The following CDON variants were observed in gnomAD, a reference collection of about 807,000 sequenced individuals.
The protein encoded by CDON is cell adhesion molecule-related/down-regulated by oncogenes.
Under a neutral mutation model 120.9 loss-of-function variants are expected in CDON, and 73 were observed. That is an observed-to-expected ratio of 0.60 (90% CI 0.50 to 0.73). The LOEUF (loss-of-function observed/expected upper bound fraction) is 0.73, where lower values mean the gene tolerates loss of function less well. Among genes scored for constraint, CDON ranks in the 30% least tolerant of loss-of-function variants. CDON has a pLI of 0.00. For synonymous variants in CDON, 566 were observed against 573.5 expected (o/e 0.99, Z 0.19); for missense variants, 1,470 against 1,587.3 (o/e 0.93, Z 1.26).
chr11:126,016,498 T>C (rs1053294491), intron 6 of CDON, among the ~76,000 whole-genome samples: 2 of 152,142 alleles, frequency 1.3e-5, no homozygotes, highest in African/African-American at 2.4e-5. Flanking sequence ...GGTGGCGTGA[T>C]CTCAGCTCAC....
intron 18 of CDON, among the ~76,000 whole-genome samples, chr11:125,970,238 G>T (rs571752292): frequency 2.7e-5 from 4 of 146,544 alleles, no homozygotes; most frequent in Non-Finnish European, 5.9e-5. Flanking sequence ...GCAGTGGCGC[G>T]ATCTCGACTC....
rs575679772 is a variant in CDON at position 125,980,848 on chromosome 11, A to T, written c.3276+201T>A. Among the ~76,000 whole-genome samples the T allele has an allele frequency of 1.4e-3, 209 of 152,344 alleles. 1 individual carries two copies. The highest frequency in any genetic ancestry group is 1.6e-4 in the Non-Finnish European group (11 of 68,038). On this transcript the variant is annotated intron_variant, in intron 17 of 19. Coordinates refer to ENST00000531738, the MANE Select transcript of CDON (RefSeq NM_001378964.1). ...ATAATTTTAAAATGAAACTAAACTGATGAACATAACTATTACCTGGCAATA... is the reference window on the plus strand; with the variant it reads ...ATAATTTTAAAATGAAACTAAACTGTTGAACATAACTATTACCTGGCAATA...
chr11:125,975,217 T>G (rs1355950811), intron 18 of CDON, among the ~76,000 whole-genome samples: 2 of 152,254 alleles, frequency 1.3e-5, no homozygotes, highest in Admixed American at 1.3e-4. Flanking sequence ...CATAGAGATT[T>G]TTTTCTATTC....
At chr11:126,022,351 A>C (rs1218262633) in intron 2 of CDON, among the ~76,000 whole-genome samples, 1 of 152,214 alleles carries the variant, frequency 6.6e-6, no homozygotes, top group East Asian at 1.9e-4. Flanking sequence ...GAAAACAGAA[A>C]TAGAAAGCTA....
rs939480171 is a variant in CDON, at chr11:126,003,891, C to T, written c.2026+11G>A. The T allele has an allele frequency of 6.2e-7, 1 of 1,612,506 alleles. No individual in the cohort carries two copies. The highest frequency in any genetic ancestry group is 1.3e-5 in the African/African-American group (1 of 74,994). On this transcript the variant is annotated intron_variant, in intron 10 of 19. Transcript: ENST00000531738. ...AGCCAGCTCATTCCTCCAAAGGAAG[C>T]CCTCACTCACCTTTGCTGGTTCGGA...
At chr11:126,055,613 T>C (rs1948662663) in intron 1 of CDON, among the ~76,000 whole-genome samples, 1 of 152,308 alleles carries the variant, frequency 6.6e-6, no homozygotes, top group Non-Finnish European at 1.5e-5. Flanking sequence ...GAGTTATTTA[T>C]CTCTCTTGTA....
intron 1 of CDON, among the ~76,000 whole-genome samples, chr11:126,058,349 G>T (rs528471239): frequency 6.6e-6 from 1 of 152,122 alleles, no homozygotes; most frequent in Non-Finnish European, 1.5e-5. Flanking sequence ...ACAGCAAAGC[G>T]ACTAAACAGC....
chr11:126,061,329 C>T (rs1024879720), intron 1 of CDON, among the ~76,000 whole-genome samples: 5 of 152,140 alleles, frequency 3.3e-5, no homozygotes, highest in Non-Finnish European at 7.3e-5. Flanking sequence ...TCTCGGGTTC[C>T]AAAGAATGCT....
At chr11:126,010,228 GA>G in intron 8 of CDON, 112 bp downstream of exon 8, 1 of 796,280 alleles carries the variant, frequency 1.3e-6, no homozygotes, top group South Asian at 1.6e-5. Flanking sequence ...CTGTCATCAG[GA>G]AAAAATATAG....
At chr11:126,056,723 C>G (rs976820947) in intron 1 of CDON, among the ~76,000 whole-genome samples, 1 of 152,162 alleles carries the variant, frequency 6.6e-6, no homozygotes, top group African/African-American at 2.4e-5. Flanking sequence ...CAAACAAATT[C>G]TGAATGTATA....
rs181535672 is a variant in CDON at position 125,974,154 on chromosome 11, C to T, written c.3356+4150G>A. 3.5e-3 allele frequency among the ~76,000 whole-genome samples: 528 copies of T among 152,144 alleles called. 6 individuals carry two copies. Among genetic ancestry groups the T allele is most frequent in the African/African-American group, 0.012 (503 of 41,486 alleles). On this transcript the variant is annotated intron_variant, in intron 18 of 19. Transcript: ENST00000531738. ...CAGGTGATCCGCCCGCCATAGCCTC[C>T]CAAAGTGCTGGGATTACAGGCGTGA...
intron 8 of CDON, among the ~76,000 whole-genome samples, chr11:126,009,748 C>A (rs867493265): frequency 6.6e-6 from 1 of 152,104 alleles, no homozygotes; most frequent in African/African-American, 2.4e-5. Flanking sequence ...GATGGAAGGT[C>A]TGAATTTGAA....
chr11:126,025,057 T>C (rs1489220169), intron 1 of CDON, among the ~76,000 whole-genome samples: 3 of 151,896 alleles, frequency 2.0e-5, no homozygotes, highest in Admixed American at 1.3e-4. Flanking sequence ...TTACAAAAAT[T>C]AGCCGAGCCT....
chr11:125,994,346 T>G lies in CDON; in HGVS notation c.2588A>C (p.Tyr863Ser). The G allele has an allele frequency of 1.9e-6, 3 of 1,601,588 alleles. No homozygotes were observed. The highest frequency in any genetic ancestry group is 2.6e-6 in the Non-Finnish European group (3 of 1,168,652). The change falls in exon 14 of 20, where the codon TAT becomes TCT. Residue 863 changes from tyrosine (Y) to serine (S), a missense_variant. Transcript: ENST00000531738. ...SNNNTPIQGF[Y>S]IYYRPTDSDN... Reference sequence around the variant, plus strand: ...ACTATCTGTTGGTCGGTAATAGATATAAAATCCTTGAATGGGAGTGTTATT... The same window carrying G: ...ACTATCTGTTGGTCGGTAATAGATAGAAAATCCTTGAATGGGAGTGTTATT...
At chr11:125,985,069 G>A (rs1946425109) in intron 15 of CDON, among the ~76,000 whole-genome samples, 1 of 152,186 alleles carries the variant, frequency 6.6e-6, no homozygotes, top group African/African-American at 2.4e-5. Flanking sequence ...AAAAGCAGTA[G>A]AGCAAAGTGG....
chr11:125,978,482 G>T, intron 17 of CDON, 99 bp from the exon 18 acceptor site: 2 of 776,560 alleles, frequency 2.6e-6, no homozygotes, highest in Non-Finnish European at 2.2e-6. Context: ...CATGAGCCAT[G>T]TCAACCATAA....
chr11:126,011,149 G>GA lies in CDON; in HGVS notation c.1199-456dup, dbSNP rs1206368717. ...GAATCTGATTATAAAAAGCGTGGGAGAAAAAAACCTGTTCTCAATAAAAGC... is the reference window on the plus strand; with the variant it reads ...GAATCTGATTATAAAAAGCGTGGGAGAAAAAAAACCTGTTCTCAATAAAAGC... On this transcript the variant is annotated intron_variant, in intron 7 of 19. Transcript: ENST00000531738. Among the ~76,000 whole-genome samples the GA allele has an allele frequency of 3.3e-5, 5 of 152,088 alleles. No individual in the cohort carries two copies. In the South Asian group the frequency reaches 8.3e-4, roughly 25 times the overall value.
At chr11:126,002,056 T>C (rs1246450721) in intron 10 of CDON, among the ~76,000 whole-genome samples, 4 of 140,288 alleles carry the variant, frequency 2.9e-5, no homozygotes, top group African/African-American at 1.0e-4. Flanking sequence ...CTAGTATCTT[T>C]AAAATAAAGC....
intron 12 of CDON, among the ~76,000 whole-genome samples, chr11:125,995,488 T>C (rs1043149478): frequency 2.0e-5 from 3 of 152,192 alleles, no homozygotes; most frequent in East Asian, 1.9e-4. Context: ...TTTAATACGG[T>C]GAATACACTC....
Sources: gnomAD v4.1 joint callset for allele counts (sites outside exome capture counted in the v4.1 genomes callset) on GRCh38, gnomAD v4.1.1 for gene constraint, MANE v1.5 for transcripts, NCBI Gene and HGNC (gene_info 2026-07-23, HGNC 2026-07-21) for gene names.